The following NXPH1 variants were observed in gnomAD, a reference collection of about 807,000 sequenced individuals.
The protein encoded by NXPH1 is neurexophilin 1, also known as neurexophilin-1.
NXPH1 carries 5 observed loss-of-function variants against 23.7 expected under a neutral mutation model. The observed-to-expected ratio is 0.21, with a 90% CI of 0.11 to 0.44. The LOEUF is 0.44. NXPH1 is among the 20% of genes least tolerant of loss of function. The pLI, the probability that NXPH1 is intolerant of heterozygous loss-of-function variation, is 0.99. For synonymous variants in NXPH1, 144 were observed against 122.2 expected (o/e 1.18, Z -1.18); for missense variants, 324 against 321.6 (o/e 1.01, Z -0.06).
intron 2 of NXPH1, among the ~76,000 whole-genome samples, chr7:8,456,118 G>A (rs564893137): frequency 1.3e-5 from 2 of 152,290 alleles, no homozygotes; most frequent in South Asian, 4.1e-4. Flanking sequence ...ACACGTGTTG[G>A]AATGAGAACT....
At chr7:8,697,496 CAT>C (rs2115187528) in intron 2 of NXPH1, among the ~76,000 whole-genome samples, 1 of 152,212 alleles carries the variant, frequency 6.6e-6, no homozygotes, top group Admixed American at 6.5e-5. Flanking sequence ...AAGACTCACT[CAT>C]TGTTTAGACA....
chr7:8,694,315 G>A lies in NXPH1; in HGVS notation c.55-56693G>A, dbSNP rs997991597. 3.0e-4 allele frequency among the ~76,000 whole-genome samples: 45 copies of A among 152,196 alleles called. 1 individual carries two copies. The highest frequency in any genetic ancestry group is 6.6e-4 in the Non-Finnish European group (45 of 68,042). ...GAGTTGTCCCTTGACACCCATGTCAGGGATGCTTGTAAAAGCAACATGACT... is the reference window on the plus strand; with the variant it reads ...GAGTTGTCCCTTGACACCCATGTCAAGGATGCTTGTAAAAGCAACATGACT... On this transcript the variant is annotated intron_variant, in intron 2 of 2. Transcript: ENST00000405863.
At chr7:8,443,877 G>T (rs1037937819) in intron 2 of NXPH1, among the ~76,000 whole-genome samples, 5 of 151,980 alleles carry the variant, frequency 3.3e-5, no homozygotes, top group Non-Finnish European at 4.4e-5. Context: ...ACGAACAACC[G>T]CCCCCTACAA....
chr7:8,750,850 G>T (rs1178591483), intron 2 of NXPH1, among the ~76,000 whole-genome samples, 158 bp from the exon 3 acceptor site: 3 of 151,908 alleles, frequency 2.0e-5, no homozygotes, highest in Admixed American at 6.6e-5. Flanking sequence ...TGGGAGAGGG[G>T]GCTTAGATCT....
intron 2 of NXPH1, among the ~76,000 whole-genome samples, chr7:8,714,092 C>A (rs139004072): frequency 2.6e-5 from 4 of 152,314 alleles, no homozygotes; most frequent in African/African-American, 9.6e-5. Flanking sequence ...AGTGTGAAAT[C>A]TTTTAAACCT....
At chr7:8,627,578 A>C (rs1039689536) in intron 2 of NXPH1, among the ~76,000 whole-genome samples, 1 of 152,134 alleles carries the variant, frequency 6.6e-6, no homozygotes, top group Non-Finnish European at 1.5e-5. Flanking sequence ...GAGGTTACTG[A>C]AGCATTTTAT....
chr7:8,635,655 A>G (rs1022332397), intron 2 of NXPH1, among the ~76,000 whole-genome samples: 1 of 152,226 alleles, frequency 6.6e-6, no homozygotes, highest in Non-Finnish European at 1.5e-5. Context: ...CGGGTCTAAA[A>G]GCATTTGAAA....
intron 2 of NXPH1, among the ~76,000 whole-genome samples, chr7:8,586,095 G>A (rs966908747): frequency 2.6e-5 from 4 of 152,162 alleles, no homozygotes; most frequent in Non-Finnish European, 5.9e-5. Flanking sequence ...AGTCTTGAAC[G>A]ATCTCATCAT....
chr7:8,713,697 T>C (rs1260275038), intron 2 of NXPH1, among the ~76,000 whole-genome samples: 2 of 151,600 alleles, frequency 1.3e-5, no homozygotes, highest in African/African-American at 2.4e-5. Context: ...GCAATAACAC[T>C]GTAGTTCTTG....
intron 2 of NXPH1, among the ~76,000 whole-genome samples, chr7:8,506,492 C>T (rs775626332): frequency 5.8e-4 from 88 of 152,028 alleles, no homozygotes; most frequent in Non-Finnish European, 1.8e-4. Context: ...GAATGAATAC[C>T]TACCTTTGGT....
At chr7:8,521,570 G>C (rs556163767) in intron 2 of NXPH1, among the ~76,000 whole-genome samples, 37 of 152,260 alleles carry the variant, frequency 2.4e-4, no homozygotes, top group Middle Eastern at 3.4e-3. Context: ...GGAGGGAGCT[G>C]GGATCTCTAG....
intron 2 of NXPH1, among the ~76,000 whole-genome samples, chr7:8,517,055 T>A (rs1471716109): frequency 6.6e-6 from 1 of 152,084 alleles, no homozygotes; most frequent in Non-Finnish European, 1.5e-5. Flanking sequence ...AATCCACAAA[T>A]GTACTGAGCA....
chr7:8,737,902 C>A (rs1195233474), intron 2 of NXPH1, among the ~76,000 whole-genome samples: 1 of 152,136 alleles, frequency 6.6e-6, no homozygotes, highest in Non-Finnish European at 1.5e-5. Flanking sequence ...TCTCTGATAT[C>A]CTTTCTTCCA....
chr7:8,549,337 C>T (rs1470404078), intron 2 of NXPH1, among the ~76,000 whole-genome samples: 1 of 151,520 alleles, frequency 6.6e-6, no homozygotes, highest in African/African-American at 2.4e-5. Flanking sequence ...TAAATCGTTC[C>T]TATTGGACTG....
chr7:8,727,781 A>C (rs964317037), intron 2 of NXPH1, among the ~76,000 whole-genome samples: 10 of 152,128 alleles, frequency 6.6e-5, no homozygotes, highest in Non-Finnish European at 1.5e-4. Flanking sequence ...TGATGCCTCC[A>C]GCTTTGTTCT....
At chr7:8,690,642 A>G (rs1437337467) in intron 2 of NXPH1, among the ~76,000 whole-genome samples, 1 of 152,258 alleles carries the variant, frequency 6.6e-6, no homozygotes, top group African/African-American at 2.4e-5. Flanking sequence ...TAAATGGAAT[A>G]AAGTGCATTT....
At chr7:8,447,430 T>C (rs1816424587) in intron 2 of NXPH1, among the ~76,000 whole-genome samples, 1 of 152,226 alleles carries the variant, frequency 6.6e-6, no homozygotes, top group Non-Finnish European at 1.5e-5. Context: ...GATGTGGAGA[T>C]TTTGCAGAAC....
chr7:8,462,368 T>G (rs1475902479), intron 2 of NXPH1, among the ~76,000 whole-genome samples: 1 of 152,240 alleles, frequency 6.6e-6, no homozygotes, highest in Non-Finnish European at 1.5e-5. Context: ...TTTATAAATA[T>G]TTTATGTATT....
At chr7:8,745,715 G>C (rs903395565) in intron 2 of NXPH1, among the ~76,000 whole-genome samples, 14 of 119,076 alleles carry the variant, frequency 1.2e-4, no homozygotes, top group Non-Finnish European at 1.9e-4. Context: ...ACCACGCCCA[G>C]CTAATTTTTT....
Sources: allele counts gnomAD v4.1 joint callset (sites outside exome capture counted in the v4.1 genomes callset), GRCh38; gene constraint gnomAD v4.1.1; transcripts MANE v1.5; gene names NCBI Gene and HGNC (gene_info 2026-07-23, HGNC 2026-07-21).